Variants in NALCN observed in about 807,000 individuals in gnomAD.
NALCN encodes the protein sodium leak channel, non-selective, also known as sodium leak channel NALCN.
In NALCN, 111 loss-of-function variants were observed where a neutral mutation model predicts 225.3. The observed-to-expected ratio is 0.49, with a 90% CI of 0.42 to 0.58. The LOEUF (loss-of-function observed/expected upper bound fraction) is 0.58. Among genes scored for constraint, NALCN ranks in the 20% least tolerant of loss-of-function variants. The probability of loss-of-function intolerance (pLI) is 0.00; values close to 1 mark genes in which losing one functional copy is unlikely to be tolerated. For synonymous variants in NALCN, 764 were observed against 769.0 expected (o/e 0.99, Z 0.11); for missense variants, 1,378 against 2,202.4 (o/e 0.63, Z 7.49).
At chr13:101,225,354 C>T (rs185697095) in intron 13 of NALCN, among the ~76,000 whole-genome samples, 1 of 152,188 alleles carries the variant, frequency 6.6e-6, no homozygotes, top group Non-Finnish European at 1.5e-5. Context: ...TTTCTCCCTC[C>T]GTTGGACTAG....
chr13:101,397,066 TTATATA>T (rs368771604), intron 2 of NALCN, among the ~76,000 whole-genome samples: 1,662 of 56,184 alleles, frequency 0.03, 23 homozygotes, highest in African/African-American at 0.044. Flanking sequence ...TATGAATGTA[TTATATA>T]TATATATATA....
intron 13 of NALCN, among the ~76,000 whole-genome samples, chr13:101,225,131 T>C (rs774811860): frequency 6.6e-6 from 1 of 152,180 alleles, no homozygotes; most frequent in Non-Finnish European, 1.5e-5. Context: ...TAACTCTTCC[T>C]ATATCTCTAC....
intron 7 of NALCN, among the ~76,000 whole-genome samples, chr13:101,297,620 G>C (rs2043803830): frequency 6.6e-6 from 1 of 152,136 alleles, no homozygotes; most frequent in South Asian, 2.1e-4. Flanking sequence ...GGCTTGCAAG[G>C]CACAACAAGC....
chr13:101,367,726 A>T (rs1266327030), intron 6 of NALCN, among the ~76,000 whole-genome samples: 1 of 152,186 alleles, frequency 6.6e-6, no homozygotes, highest in Admixed American at 6.5e-5. Context: ...TTTCAAAAGT[A>T]GATACTGATT....
Position 101,081,509 on chromosome 13 carries a change from C to T in NALCN, c.3885+18G>A. 6.2e-7 allele frequency: 1 copy of T among 1,613,450 alleles called. No homozygotes were observed. ...AACTGAAATAATCAGCTGAAATCAA[C>T]TTGACTTCTATGCTTACCAGGAGGG... is the stretch of plus-strand genomic sequence containing the variant. On this transcript the variant is annotated intron_variant, in intron 34 of 43. Coordinates refer to ENST00000251127, the MANE Select transcript of NALCN (RefSeq NM_052867.4).
chr13:101,146,382 A>C (rs1489071221), intron 15 of NALCN, among the ~76,000 whole-genome samples: 1 of 152,196 alleles, frequency 6.6e-6, no homozygotes, highest in Non-Finnish European at 1.5e-5. Flanking sequence ...CGTTCTCAAC[A>C]GTTCCATGGT....
intron 11 of NALCN, among the ~76,000 whole-genome samples, chr13:101,254,521 GTTTA>G (rs998312418): frequency 3.9e-5 from 6 of 151,948 alleles, no homozygotes; most frequent in Non-Finnish European, 5.9e-5. Flanking sequence ...CCACTACCTA[GTTTA>G]TTTATTTATT....
intron 26 of NALCN, among the ~76,000 whole-genome samples, chr13:101,102,777 C>CAGAATG (rs2034892383): frequency 6.6e-6 from 1 of 152,162 alleles, no homozygotes. Context: ...CAGGAACACA[C>CAGAATG]AGAATGAGAT....
intron 33 of NALCN, 39 bp from the exon 34 acceptor site, chr13:101,081,685 G>A: frequency 2.5e-6 from 4 of 1,608,024 alleles, no homozygotes; most frequent in African/African-American, 1.3e-5. Flanking sequence ...CAGAGAGAGT[G>A]TTTAGTACAT....
At chr13:101,327,237 CT>C (rs2139218269) in intron 7 of NALCN, among the ~76,000 whole-genome samples, 1 of 151,962 alleles carries the variant, frequency 6.6e-6, no homozygotes, top group African/African-American at 2.4e-5. Flanking sequence ...AATGATAGCG[CT>C]TTTGCATGTT....
intron 2 of NALCN, among the ~76,000 whole-genome samples, chr13:101,397,551 A>G (rs1160392080): frequency 2.0e-5 from 3 of 151,420 alleles, no homozygotes; most frequent in Non-Finnish European, 2.9e-5. Context: ...TGTGGGTAAT[A>G]TGCATATATG....
intron 6 of NALCN, among the ~76,000 whole-genome samples, chr13:101,353,502 G>T (rs1341578178): frequency 6.6e-6 from 1 of 152,188 alleles, no homozygotes; most frequent in East Asian, 1.9e-4. Context: ...TCCCACCCTG[G>T]AAAGCAAGAG....
intron 11 of NALCN, among the ~76,000 whole-genome samples, chr13:101,245,043 G>T (rs980522072): frequency 6.6e-6 from 1 of 152,146 alleles, no homozygotes; most frequent in Non-Finnish European, 1.5e-5. Context: ...CAATCTCAAG[G>T]CTTTCTGCAA....
intron 30 of NALCN, among the ~76,000 whole-genome samples, chr13:101,084,357 T>C (rs1465789562): frequency 1.3e-5 from 2 of 152,222 alleles, no homozygotes; most frequent in Non-Finnish European, 2.9e-5. Flanking sequence ...AAAATGCATA[T>C]GATTAAAATT....
intron 6 of NALCN, among the ~76,000 whole-genome samples, chr13:101,362,392 C>T (rs1370970584): frequency 6.6e-6 from 1 of 152,028 alleles, no homozygotes; most frequent in African/African-American, 2.4e-5. Context: ...TACTTACCAT[C>T]TGGACATATT....
At chr13:101,090,337 C>T (rs1480033490) in intron 28 of NALCN, among the ~76,000 whole-genome samples, 1 of 152,070 alleles carries the variant, frequency 6.6e-6, no homozygotes, top group African/African-American at 2.4e-5. Flanking sequence ...ATGATTTTAT[C>T]GATTTGCACA....
At chr13:101,215,388 A>C (rs187663251) in intron 13 of NALCN, among the ~76,000 whole-genome samples, 1 of 152,164 alleles carries the variant, frequency 6.6e-6, no homozygotes, top group Non-Finnish European at 1.5e-5. Flanking sequence ...TTGATGTGTA[A>C]CAAATTACCA....
At chr13:101,249,459 A>G (rs906021265) in intron 11 of NALCN, among the ~76,000 whole-genome samples, 1 of 152,190 alleles carries the variant, frequency 6.6e-6, no homozygotes. Context: ...ACAAAATCAG[A>G]CTAGCAATGT....
chr13:101,094,031 C>A (rs1416648695), intron 28 of NALCN, among the ~76,000 whole-genome samples: 1 of 152,214 alleles, frequency 6.6e-6, no homozygotes, highest in African/African-American at 2.4e-5. Context: ...AGAGTTTGAA[C>A]CCCCTCTCCA....
Sources: allele counts gnomAD v4.1 joint callset (sites outside exome capture counted in the v4.1 genomes callset), GRCh38; gene constraint gnomAD v4.1.1; transcripts MANE v1.5; gene names NCBI Gene and HGNC (gene_info 2026-07-23, HGNC 2026-07-21).